The following ERBB4 variants were observed in gnomAD, a reference collection of about 807,000 sequenced individuals.
The protein encoded by ERBB4 is receptor tyrosine-protein kinase erbB-4.
ERBB4 carries 42 observed loss-of-function variants against 158.0 expected under a neutral mutation model. The observed-to-expected ratio is 0.27, with a 90% CI of 0.21 to 0.34. ERBB4 has a LOEUF of 0.34. Ranked by LOEUF, ERBB4 falls within the 10% of genes least tolerant of loss-of-function variation. ERBB4 has a pLI of 1.00. For synonymous variants in ERBB4, 583 were observed against 558.7 expected (o/e 1.04, Z -0.61); for missense variants, 1,333 against 1,624.1 (o/e 0.82, Z 3.08).
chr2:212,454,352 C>T (rs892720105), intron 1 of ERBB4, among the ~76,000 whole-genome samples: 1 of 152,160 alleles, frequency 6.6e-6, no homozygotes, highest in East Asian at 1.9e-4. Context: ...TCACACAACC[C>T]AAAACATGCT....
In ERBB4 at chr2:211,905,692, ATGTG is replaced by A. The variant is rs528650712; in HGVS notation, c.421+41734_421+41737del. Reference sequence around the variant, plus strand: ...TATATATATATATATACACACATATATGTGTGTGTATGTGTGTGTATATATGTGT... The same window carrying A: ...TATATATATATATATACACACATATATGTGTATGTGTGTGTATATATGTGT... On this transcript the variant is annotated intron_variant, in intron 3 of 27. Coordinates refer to ENST00000342788, the MANE Select transcript of ERBB4 (RefSeq NM_005235.3). Among the ~76,000 whole-genome samples, 7 of 128,320 alleles carry A rather than the reference ATGTG, an allele frequency of 5.5e-5. No individual in the cohort carries two copies. The East Asian group carries it at 6.6e-4, about 12-fold the overall frequency. 84.2% of individuals were successfully genotyped at this position (128,320 alleles called of 152,430 possible). A position where few individuals can be genotyped will look rare whatever the true frequency, so the allele number is the denominator to read the frequency against.
intron 1 of ERBB4, among the ~76,000 whole-genome samples, chr2:212,158,285 C>T (rs1481088027): frequency 1.3e-5 from 2 of 151,932 alleles, no homozygotes; most frequent in Admixed American, 6.6e-5. Context: ...AATCATGAAA[C>T]ATTTAGTTCC....
chr2:211,672,547 A>C (rs1477509860), intron 14 of ERBB4, among the ~76,000 whole-genome samples: 1 of 152,138 alleles, frequency 6.6e-6, no homozygotes, highest in East Asian at 1.9e-4. Context: ...TCCCTCTGCC[A>C]TAGTATTTAT....
chr2:212,009,892 T>A (rs2076343846), intron 2 of ERBB4, among the ~76,000 whole-genome samples: 1 of 152,146 alleles, frequency 6.6e-6, no homozygotes, highest in African/African-American at 2.4e-5. Context: ...AAATATAACA[T>A]CTCTTGTCTA....
intron 25 of ERBB4, among the ~76,000 whole-genome samples, chr2:211,402,520 C>T (rs1168681636): frequency 6.6e-6 from 1 of 151,884 alleles, no homozygotes; most frequent in East Asian, 1.9e-4. Context: ...AATATGAAGG[C>T]ATATTGAAGG....
chr2:211,502,767 A>T (rs983711839), intron 20 of ERBB4, among the ~76,000 whole-genome samples: 4 of 152,176 alleles, frequency 2.6e-5, no homozygotes, highest in Non-Finnish European at 5.9e-5. Context: ...CTCTAGCTTT[A>T]TAAATGCCTT....
At chr2:212,473,427 G>A (rs564146265) in intron 1 of ERBB4, among the ~76,000 whole-genome samples, 1 of 151,952 alleles carries the variant, frequency 6.6e-6, no homozygotes. Flanking sequence ...GTGAAAATTT[G>A]TTTTACATCA....
At chr2:211,947,831 G>A (rs1212168706) in intron 2 of ERBB4, among the ~76,000 whole-genome samples, 1 of 152,172 alleles carries the variant, frequency 6.6e-6, no homozygotes, top group Non-Finnish European at 1.5e-5. Flanking sequence ...CTTTTAAACA[G>A]TTATGAATGT....
chr2:211,936,513 A>C (rs1274595109), intron 3 of ERBB4, among the ~76,000 whole-genome samples: 1 of 152,112 alleles, frequency 6.6e-6, no homozygotes, highest in African/African-American at 2.4e-5. Flanking sequence ...GCTTACAATA[A>C]AATTATAGCT....
chr2:212,498,614 A>G (rs890162594), intron 1 of ERBB4, among the ~76,000 whole-genome samples: 5 of 152,194 alleles, frequency 3.3e-5, no homozygotes, highest in Admixed American at 1.3e-4. Context: ...TAATTATATT[A>G]TTTCATTCTT....
intron 17 of ERBB4, among the ~76,000 whole-genome samples, chr2:211,629,788 A>C (rs6729616): frequency 0.17 from 25,197 of 151,682 alleles, 2,928 homozygotes; most frequent in East Asian, 0.58. Flanking sequence ...CAAAAACAAG[A>C]AATGGGGAAA....
intron 1 of ERBB4, among the ~76,000 whole-genome samples, chr2:212,487,340 A>C (rs1381908916): frequency 6.6e-6 from 1 of 152,142 alleles, no homozygotes; most frequent in African/African-American, 2.4e-5. Flanking sequence ...ATAAATAAAA[A>C]ATAACTTTTA....
chr2:212,259,090 T>C (rs908921037), intron 1 of ERBB4, among the ~76,000 whole-genome samples: 2 of 152,190 alleles, frequency 1.3e-5, no homozygotes, highest in African/African-American at 4.8e-5. Context: ...TGAAATTTTT[T>C]TGACAAAATA....
At chr2:211,904,278 C>T (rs2079316693) in intron 3 of ERBB4, among the ~76,000 whole-genome samples, 1 of 152,034 alleles carries the variant, frequency 6.6e-6, no homozygotes, top group African/African-American at 2.4e-5. Flanking sequence ...CCGAACACTG[C>T]AAACAAAAAC....
intron 3 of ERBB4, among the ~76,000 whole-genome samples, chr2:211,848,747 T>C (rs1197695495): frequency 1.3e-5 from 2 of 152,032 alleles, no homozygotes; most frequent in African/African-American, 4.8e-5. Flanking sequence ...CAACACAGTA[T>C]AGCATATTCT....
At chr2:211,585,369 C>T (rs2068244496) in intron 19 of ERBB4, among the ~76,000 whole-genome samples, 1 of 115,528 alleles carries the variant, frequency 8.7e-6, no homozygotes. Flanking sequence ...AAAAAAAAGA[C>T]TTCCTTAGGC....
intron 3 of ERBB4, among the ~76,000 whole-genome samples, chr2:211,910,737 A>C (rs371877230): frequency 6.6e-6 from 1 of 151,952 alleles, no homozygotes; most frequent in South Asian, 2.1e-4. Context: ...TTTTTAAAAA[A>C]CCGTTATATT....
chr2:211,380,552 C>T lies in ERBB4; in HGVS notation c.*3063G>A, dbSNP rs1209582535. 1 of 232,148 alleles carries T rather than the reference C, an allele frequency of 4.3e-6. No individual in the cohort carries two copies. Among genetic ancestry groups the T allele is most frequent in the Non-Finnish European group, 8.5e-6 (1 of 117,406 alleles). 14.4% of individuals were successfully genotyped at this position (232,148 alleles called of 1,614,324 possible). On this transcript the variant is annotated 3_prime_UTR_variant, in exon 28 of 28. Transcript: ENST00000342788. Reference sequence around the variant, plus strand: ...TTAACTGACATTTTAAAATTCTACCCTACTGGACTAAATAAGTTATTCTCT... The same window carrying T: ...TTAACTGACATTTTAAAATTCTACCTTACTGGACTAAATAAGTTATTCTCT...
At chr2:211,683,657 T>A (rs1013910733) in intron 12 of ERBB4, among the ~76,000 whole-genome samples, 1 of 152,106 alleles carries the variant, frequency 6.6e-6, no homozygotes, top group Non-Finnish European at 1.5e-5. Flanking sequence ...TGTATATGAT[T>A]TTGCATAAAT....
Sources: allele counts gnomAD v4.1 joint callset (sites outside exome capture counted in the v4.1 genomes callset), GRCh38; gene constraint gnomAD v4.1.1; transcripts MANE v1.5; gene names NCBI Gene and HGNC (gene_info 2026-07-23, HGNC 2026-07-21).